The following CTNND2 variants were observed in gnomAD, a reference collection of about 807,000 sequenced individuals.
CTNND2 encodes the protein catenin delta 2, also known as catenin delta-2.
In CTNND2, 22 loss-of-function variants were observed where a neutral mutation model predicts 144.4. That is an observed-to-expected ratio of 0.15 (90% CI 0.11 to 0.22). The LOEUF is 0.22. Among genes scored for constraint, CTNND2 ranks in the 10% least tolerant of loss-of-function variants. CTNND2 has a pLI of 1.00. For synonymous variants in CTNND2, 751 were observed against 695.6 expected (o/e 1.08, Z -1.25); for missense variants, 1,353 against 1,618.8 (o/e 0.84, Z 2.82).
intron 21 of CTNND2, among the ~76,000 whole-genome samples, chr5:10,977,483 C>T (rs1736646584): frequency 1.3e-5 from 2 of 151,004 alleles, no homozygotes; most frequent in East Asian, 3.9e-4. Context: ...GACAGGGTCT[C>T]GCTTTGTCAC....
intron 18 of CTNND2, among the ~76,000 whole-genome samples, chr5:11,002,126 C>G (rs934950428): frequency 6.6e-6 from 1 of 152,224 alleles, no homozygotes; most frequent in African/African-American, 2.4e-5. Flanking sequence ...TAGCTATGCC[C>G]CAATTCCTTT....
chr5:11,590,364 C>T (rs1156326170), intron 2 of CTNND2, among the ~76,000 whole-genome samples: 1 of 152,058 alleles, frequency 6.6e-6, no homozygotes, highest in African/African-American at 2.4e-5. Context: ...TTTTTAAAAA[C>T]ATACAAGCTT....
At chr5:11,708,413 C>T (rs1171572352) in intron 2 of CTNND2, among the ~76,000 whole-genome samples, 1 of 151,954 alleles carries the variant, frequency 6.6e-6, no homozygotes, top group Non-Finnish European at 1.5e-5. Flanking sequence ...AAGATGAAAC[C>T]TTTCTTTAAG....
At chr5:11,719,464 C>T (rs1581771202) in intron 2 of CTNND2, among the ~76,000 whole-genome samples, 1 of 152,238 alleles carries the variant, frequency 6.6e-6, no homozygotes, top group East Asian at 1.9e-4. Flanking sequence ...GTTCCTAACG[C>T]TACATAATAA....
At chr5:11,139,605 G>A (rs1351693907) in intron 12 of CTNND2, among the ~76,000 whole-genome samples, 1 of 152,184 alleles carries the variant, frequency 6.6e-6, no homozygotes, top group Non-Finnish European at 1.5e-5. Context: ...GTGTCCTGCT[G>A]GCCAGCTGCT....
intron 15 of CTNND2, among the ~76,000 whole-genome samples, chr5:11,095,408 T>C (rs1264389319): frequency 6.6e-6 from 1 of 152,230 alleles, no homozygotes; most frequent in Non-Finnish European, 1.5e-5. Flanking sequence ...TATCATAAAA[T>C]GTGACCATCT....
chr5:11,032,466 T>A (rs1047946561), intron 16 of CTNND2, among the ~76,000 whole-genome samples: 1 of 152,130 alleles, frequency 6.6e-6, no homozygotes, highest in African/African-American at 2.4e-5. Flanking sequence ...ATGCAAAAAA[T>A]ATATATTTTA....
intron 11 of CTNND2, among the ~76,000 whole-genome samples, chr5:11,183,798 A>G (rs1282807787): frequency 6.6e-6 from 1 of 152,044 alleles, no homozygotes; most frequent in African/African-American, 2.4e-5. Context: ...ACCTCAAGTG[A>G]TCCAATTGCC....
chr5:11,012,461 G>A (rs1055273875), intron 18 of CTNND2, among the ~76,000 whole-genome samples: 7 of 152,302 alleles, frequency 4.6e-5, no homozygotes, highest in Middle Eastern at 3.4e-3. Context: ...TTAAGAGGTC[G>A]TTTACTTTCC....
chr5:11,737,347 C>T (rs928788257), intron 1 of CTNND2, among the ~76,000 whole-genome samples: 1 of 152,182 alleles, frequency 6.6e-6, no homozygotes, highest in Non-Finnish European at 1.5e-5. Flanking sequence ...TCACCCTGTA[C>T]AGCACTTCTT....
At chr5:11,420,276 T>C (rs549910725) in intron 3 of CTNND2, among the ~76,000 whole-genome samples, 3 of 152,214 alleles carry the variant, frequency 2.0e-5, no homozygotes, top group South Asian at 4.2e-4. Context: ...TGAACCGAGA[T>C]GGCACCACTG....
intron 10 of CTNND2, among the ~76,000 whole-genome samples, chr5:11,202,432 A>G (rs1737548491): frequency 6.6e-6 from 1 of 152,216 alleles, no homozygotes; most frequent in Non-Finnish European, 1.5e-5. Context: ...AGATAAACAT[A>G]AGTAAGTCAA....
intron 9 of CTNND2, among the ~76,000 whole-genome samples, chr5:11,335,855 CT>C (rs1437772888): frequency 6.6e-6 from 1 of 152,080 alleles, no homozygotes; most frequent in Middle Eastern, 3.2e-3. Flanking sequence ...TGGGCCAAGT[CT>C]TTGTTTGCAC....
intron 2 of CTNND2, among the ~76,000 whole-genome samples, chr5:11,711,430 G>A (rs1786029850): frequency 6.6e-6 from 1 of 152,106 alleles, no homozygotes; most frequent in Non-Finnish European, 1.5e-5. Context: ...TGTAGGGCAT[G>A]CTCATTGCAC....
At chr5:10,989,980 T>TA (rs889926170) in intron 19 of CTNND2, among the ~76,000 whole-genome samples, 3 of 152,122 alleles carry the variant, frequency 2.0e-5, no homozygotes, top group Admixed American at 6.5e-5. Context: ...TGGAATCCTT[T>TA]AAAAAAAATA....
At chr5:10,976,607 T>G (rs1736522710) in intron 21 of CTNND2, among the ~76,000 whole-genome samples, 1 of 152,208 alleles carries the variant, frequency 6.6e-6, no homozygotes, top group Admixed American at 6.5e-5. Context: ...CTGCGCTCTG[T>G]TCCATGGCTT....
chr5:11,504,830 G>C (rs1027364886), intron 3 of CTNND2, among the ~76,000 whole-genome samples: 1 of 152,162 alleles, frequency 6.6e-6, no homozygotes, highest in African/African-American at 2.4e-5. Flanking sequence ...ACCGAGTGCA[G>C]CTTTAGAGTG....
rs111410027 is a variant in CTNND2 at position 11,802,253 on chromosome 5, T to C, written c.38-69981A>G. Among the ~76,000 whole-genome samples the C allele has an allele frequency of 4.3e-3, 597 of 139,598 alleles. 4 individuals carry two copies. Among genetic ancestry groups the C allele is most frequent in the African/African-American group, 0.015 (550 of 36,846 alleles). 91.6% of individuals were successfully genotyped at this position (139,598 alleles called of 152,430 possible). ...CACCACTGCACTCCAGCCTAGGCGA[T>C]AGAGCAAGACTCTGTCTTAAAAAAA... is the stretch of plus-strand genomic sequence containing the variant. On this transcript the variant is annotated intron_variant, in intron 1 of 21. Transcript: ENST00000304623.
At chr5:11,446,406 C>T (rs1764802250) in intron 3 of CTNND2, among the ~76,000 whole-genome samples, 1 of 152,138 alleles carries the variant, frequency 6.6e-6, no homozygotes, top group African/African-American at 2.4e-5. Context: ...GAAGAGTGGT[C>T]AGGTGACATT....
Sources: gnomAD v4.1 joint callset for allele counts (sites outside exome capture counted in the v4.1 genomes callset) on GRCh38, gnomAD v4.1.1 for gene constraint, MANE v1.5 for transcripts, NCBI Gene and HGNC (gene_info 2026-07-23, HGNC 2026-07-21) for gene names.